The following FBLIM1 variants were observed in gnomAD, a reference collection of about 807,000 sequenced individuals.
FBLIM1 encodes filamin-binding LIM protein 1.
Under a neutral mutation model 37.4 loss-of-function variants are expected in FBLIM1, and 29 were observed. That is an observed-to-expected ratio of 0.77 (90% confidence interval 0.58 to 1.06). The LOEUF (loss-of-function observed/expected upper bound fraction) is 1.06, where lower values mean the gene tolerates loss of function less well. FBLIM1 is among the 50% of genes least tolerant of loss of function. The pLI is 0.00. For missense variants in FBLIM1, 449 were observed against 505.6 expected, an observed-to-expected ratio of 0.89 and a Z score of 1.07; for synonymous variants, 193 against 199.0, an observed-to-expected ratio of 0.97 and a Z score of 0.25.
chr1:15,763,031 G>C, intron 1 of FBLIM1, among the ~76,000 whole-genome samples: 2 of 151,972 alleles, frequency 1.3e-5, no homozygotes, highest in East Asian at 3.9e-4. Context: ...GGCTGCCGCA[G>C]TTGGACTTCA....
Position 15,785,102 on chromosome 1 carries a change from G to A in FBLIM1, c.*441G>A, listed in dbSNP as rs533068776. ...TAATCCCAGCACTTTGGGAGGCCAAGGTGGGTGGATCACCTGAGGTCAGGA... is the reference window on the plus strand; with the variant it reads ...TAATCCCAGCACTTTGGGAGGCCAAAGTGGGTGGATCACCTGAGGTCAGGA... On this transcript the variant is annotated 3_prime_UTR_variant, in exon 9 of 9. Transcript: ENST00000375766. The A allele has an allele frequency of 2.6e-5, 4 of 153,626 alleles. No individual in the cohort carries two copies. Among genetic ancestry groups the A allele is most frequent in the African/African-American group, 9.6e-5 (4 of 41,654 alleles). The allele number at this position is 153,626 out of a possible 1,614,324, so 9.5% of individuals were successfully genotyped here.
chr1:15,767,538 TGTCCCC>T lies in FBLIM1; in HGVS notation c.415_420del (p.Ser139_Pro140del). 2.1e-6 allele frequency: 3 copies of T among 1,419,796 alleles called. No homozygotes were observed. The highest frequency in any genetic ancestry group is 1.9e-6 in the Non-Finnish European group (2 of 1,076,102). 87.9% of individuals were successfully genotyped at this position (1,419,796 alleles called of 1,614,324 possible). A position where few individuals can be genotyped will look rare whatever the true frequency, so the allele number is the denominator to read the frequency against. On this transcript the variant is annotated inframe_deletion, in exon 4 of 9. Coordinates refer to ENST00000375766, the MANE Select transcript of FBLIM1 (RefSeq NM_017556.4). ...ATTGCAGACTTAGAGCAGCTGCACC[TGTCCCC>T]GCCCCCGCCCCCACCACAGGTACTG...
chr1:15,776,967 C>T, intron 7 of FBLIM1: 1 of 553,758 alleles, frequency 1.8e-6, no homozygotes, highest in Non-Finnish European at 3.2e-6. Context: ...AGACAATCTC[C>T]AGTGACGCTG....
At chr1:15,777,383 T>C in intron 8 of FBLIM1, 96 bp downstream of exon 8, 1 of 757,752 alleles carries the variant, frequency 1.3e-6, no homozygotes. Flanking sequence ...GGGTGGGGGC[T>C]GTACTCTCAA....
chr1:15,778,032 A>G (rs1569864315), intron 8 of FBLIM1, among the ~76,000 whole-genome samples: 1 of 151,146 alleles, frequency 6.6e-6, no homozygotes, highest in South Asian at 2.1e-4. Flanking sequence ...GAGAGAGCAC[A>G]CCCCCTCCAG....
intron 5 of FBLIM1, among the ~76,000 whole-genome samples, chr1:15,769,084 G>T (rs1321412038): frequency 6.6e-6 from 1 of 152,088 alleles, no homozygotes; most frequent in Non-Finnish European, 1.5e-5. Flanking sequence ...GTGTCCACCT[G>T]CTCCCTCCCC....
intron 6 of FBLIM1, among the ~76,000 whole-genome samples, chr1:15,771,618 A>C (rs1052475494): frequency 2.0e-5 from 3 of 151,772 alleles, no homozygotes; most frequent in African/African-American, 7.3e-5. Flanking sequence ...GTAGCATCCC[A>C]CTTCAGCGGC....
intron 6 of FBLIM1, among the ~76,000 whole-genome samples, chr1:15,773,260 G>A (rs2069309704): frequency 6.6e-6 from 1 of 151,894 alleles, no homozygotes; most frequent in African/African-American, 2.4e-5. Flanking sequence ...GTGCGTGCCT[G>A]TAATCCCAGC....
At chr1:15,759,967 T>C (rs1446868482) in intron 1 of FBLIM1, among the ~76,000 whole-genome samples, 1 of 152,230 alleles carries the variant, frequency 6.6e-6, no homozygotes, top group Non-Finnish European at 1.5e-5. Context: ...CTCACGCCTG[T>C]AATCCCAGCA....
At chr1:15,763,720 A>AC (rs1266002204) in intron 1 of FBLIM1, among the ~76,000 whole-genome samples, 1 of 151,404 alleles carries the variant, frequency 6.6e-6, no homozygotes, top group Non-Finnish European at 1.5e-5. Context: ...GCTCACCACA[A>AC]CCTCGGCCTC....
rs184153155 is a variant in FBLIM1, at chr1:15,760,704, G to A, written c.-211+1856G>A. Among the ~76,000 whole-genome samples the A allele has an allele frequency of 4.0e-3, 615 of 152,176 alleles. 14 individuals carry two copies. The highest frequency in any genetic ancestry group is 0.014 in the African/African-American group (589 of 41,512). ...CAGCCTCTAGCTGGTCTGGGTGGCT[G>A]GCTGGATCCCTGCCTCCTTCCTTCC... On this transcript the variant is annotated intron_variant, in intron 1 of 8. Transcript: ENST00000375766.
intron 1 of FBLIM1, among the ~76,000 whole-genome samples, chr1:15,762,058 C>G (rs1453095341): frequency 6.6e-6 from 1 of 151,728 alleles, no homozygotes; most frequent in Non-Finnish European, 1.5e-5. Context: ...ATCAGGGTAT[C>G]AGGGTGCCAC....
chr1:15,775,545 A>AG (rs552596010), intron 7 of FBLIM1, among the ~76,000 whole-genome samples: 46 of 152,002 alleles, frequency 3.0e-4, no homozygotes, highest in African/African-American at 1.1e-3. Flanking sequence ...AAAAAAAAAA[A>AG]AAAAGAAAAG....
At chr1:15,773,116 T>C (rs2069300649) in intron 6 of FBLIM1, among the ~76,000 whole-genome samples, 1 of 152,110 alleles carries the variant, frequency 6.6e-6, no homozygotes, top group Admixed American at 6.6e-5. Flanking sequence ...TATAAAATTA[T>C]GTTAACTGGC....
intron 8 of FBLIM1, among the ~76,000 whole-genome samples, chr1:15,782,979 A>G (rs2069681329): frequency 6.6e-6 from 1 of 152,030 alleles, no homozygotes; most frequent in South Asian, 2.1e-4. Context: ...TATTTTTAGT[A>G]GAGACGGGGT....
chr1:15,773,766 C>T (rs547594699), intron 6 of FBLIM1, among the ~76,000 whole-genome samples: 25 of 150,866 alleles, frequency 1.7e-4, no homozygotes, highest in Admixed American at 4.0e-4. Flanking sequence ...AATAATACTA[C>T]GATATGTAAA....
chr1:15,777,418 A>T (rs1364452884), intron 8 of FBLIM1, 131 bp downstream of exon 8: 2 of 594,462 alleles, frequency 3.4e-6, no homozygotes, highest in Non-Finnish European at 6.0e-6. Flanking sequence ...AGTAGGAGAA[A>T]CAAAAGATAC....
At chr1:15,763,375 G>T (rs1230236346) in intron 1 of FBLIM1, among the ~76,000 whole-genome samples, 1 of 151,692 alleles carries the variant, frequency 6.6e-6, no homozygotes, top group East Asian at 2.0e-4. Context: ...GCTCACGCCT[G>T]TAATCCCAGC....
intron 1 of FBLIM1, among the ~76,000 whole-genome samples, chr1:15,763,339 G>T (rs1291496882): frequency 6.6e-6 from 1 of 151,834 alleles, no homozygotes; most frequent in Non-Finnish European, 1.5e-5. Flanking sequence ...CAAAGTGCTG[G>T]GACAGAGTCT....
Sources: gnomAD v4.1 joint callset for allele counts (sites outside exome capture counted in the v4.1 genomes callset) on GRCh38, gnomAD v4.1.1 for gene constraint, MANE v1.5 for transcripts, NCBI Gene and HGNC (gene_info 2026-07-23, HGNC 2026-07-21) for gene names.